The following IKBKE variants were observed in gnomAD, a reference collection of about 807,000 sequenced individuals.
IKBKE encodes the protein inhibitor of nuclear factor kappa-B kinase subunit epsilon.
A neutral mutation model predicts 92.1 loss-of-function variants in IKBKE; 45 were observed. The observed-to-expected ratio is 0.49, with a 90% CI of 0.38 to 0.63. The LOEUF is 0.63. IKBKE is among the 20% of genes least tolerant of loss of function. IKBKE has a pLI of 0.00. For missense variants in IKBKE, 700 were observed against 932.8 expected (o/e 0.75, Z 3.25); for synonymous variants, 374 against 380.3 (o/e 0.98, Z 0.19).
At position 206,493,991 on chromosome 1, in the gene IKBKE, G is replaced by A. The variant is rs781809827; in HGVS notation, c.2117G>A (p.Arg706Gln). Residue 706 changes from arginine to glutamine, a missense_variant and splice_region_variant, in exon 21 of 22, where the codon CGG (arginine) becomes CAG (glutamine). Transcript: ENST00000581977. ...CTGGACAACAACCGCATCATCGAAC[G>A]GTAAGGAGCTTTCACCTTGTGTAGG... ...DLLDNNRIIE[R>Q]LNRVPAPPDV The A allele has an allele frequency of 1.3e-5, 21 of 1,613,566 alleles. No homozygotes were observed. Among genetic ancestry groups the A allele is most frequent in the African/African-American group, 2.7e-5 (2 of 74,900 alleles).
chr1:206,480,809 G>A (rs550645986), intron 13 of IKBKE, among the ~76,000 whole-genome samples: 1 of 152,276 alleles, frequency 6.6e-6, no homozygotes, highest in East Asian at 1.9e-4. Context: ...ATCCCAAGAA[G>A]GGGCTTGTGT....
chr1:206,474,029 T>C (rs1664921895), intron 3 of IKBKE, among the ~76,000 whole-genome samples: 2 of 149,254 alleles, frequency 1.3e-5, no homozygotes, highest in African/African-American at 4.9e-5. Context: ...TCCCTGCTGC[T>C]AACCCCAGGG....
chr1:206,484,598 A>T (rs1665561401), intron 13 of IKBKE, among the ~76,000 whole-genome samples: 1 of 152,240 alleles, frequency 6.6e-6, no homozygotes, highest in Admixed American at 6.5e-5. Context: ...AGTCTACAAA[A>T]TATAGCTTTT....
In IKBKE at chr1:206,491,646, A is replaced by C. The variant is rs782472462; in HGVS notation, c.1734-2A>C. On this transcript the variant is annotated splice_acceptor_variant, in intron 17 of 21. Coordinates refer to ENST00000581977, the MANE Select transcript of IKBKE (RefSeq NM_014002.4). LOFTEE classifies it high-confidence loss of function. Reference sequence around the variant, plus strand: ...CTGCACCTTGGTTCTCTGTCGTTCTAGGGTGAATTTCAGTCATTTAGCCAA... The same window carrying C: ...CTGCACCTTGGTTCTCTGTCGTTCTCGGGTGAATTTCAGTCATTTAGCCAA... 6.2e-7 allele frequency: 1 copy of C among 1,609,988 alleles called. No individual in the cohort carries two copies. Among genetic ancestry groups the C allele is most frequent in the African/African-American group, 1.3e-5 (1 of 74,810 alleles).
chr1:206,477,251 C>T (rs535903203), intron 7 of IKBKE, among the ~76,000 whole-genome samples: 4 of 152,166 alleles, frequency 2.6e-5, no homozygotes, highest in African/African-American at 7.2e-5. Flanking sequence ...GAGACAGTAG[C>T]GGCTCCCTCT....
rs144454928 is a variant in IKBKE at position 206,475,865 on chromosome 1, G to A, written c.359-316G>A. ...AAAATTGGTTAAAATGGGAAATTTC[G>A]TTATGCATATTTTACCACAATTGAA... On this transcript the variant is annotated intron_variant, in intron 5 of 21. Transcript: ENST00000581977. Among the ~76,000 whole-genome samples the A allele has an allele frequency of 1.9e-3, 288 of 152,158 alleles. 2 individuals are homozygous for A. Among genetic ancestry groups the A allele is most frequent in the Admixed American group, 0.011 (163 of 15,274 alleles).
intron 2 of IKBKE, chr1:206,472,976 G>A (rs1664860886): frequency 2.0e-6 from 1 of 494,218 alleles, no homozygotes; most frequent in African/African-American, 2.0e-5. Context: ...GCCGGCTGTG[G>A]GCTGAGGGCT....
At chr1:206,491,904 C>A (rs1329900137) in intron 18 of IKBKE, 155 bp downstream of exon 18, 2 of 576,698 alleles carry the variant, frequency 3.5e-6, no homozygotes, top group Non-Finnish European at 6.3e-6. Flanking sequence ...GTGGACCAGG[C>A]AGTTGGCTGG....
At chr1:206,471,131 A>G (rs1343179495) in intron 1 of IKBKE, 25 bp from the exon 2 acceptor site, 1 of 152,280 alleles carries the variant, frequency 6.6e-6, no homozygotes, top group Non-Finnish European at 1.5e-5. Context: ...GGCGCCTCTC[A>G]TCCGCCCTCC....
chr1:206,492,816 C>A (rs1251685616), intron 18 of IKBKE: 9 of 676,952 alleles, frequency 1.3e-5, no homozygotes, highest in Non-Finnish European at 2.2e-5. Context: ...TGAAGGGGGC[C>A]TCCCAGCCTC....
In IKBKE at chr1:206,491,947, C is replaced by T. The variant is rs1665968653; in HGVS notation, c.1835+198C>T. 50 of 501,156 alleles carry T rather than the reference C, an allele frequency of 1.0e-4. No individual in the cohort carries two copies. In the South Asian group the frequency reaches 1.0e-3, roughly 10 times the overall value. The allele number at this position is 501,156 out of a possible 1,614,324, so 31.0% of individuals were successfully genotyped here. ...CTGTAGCTCAGCTTATTTACTCCTA[C>T]AACACCTGCCCTATACAGTAGATAT... On this transcript the variant is annotated intron_variant, in intron 18 of 21. Transcript: ENST00000581977.
chr1:206,489,057 T>A (rs1553389513), intron 16 of IKBKE, among the ~76,000 whole-genome samples: 1 of 151,690 alleles, frequency 6.6e-6, no homozygotes, highest in African/African-American at 2.4e-5. Context: ...CTAATATATA[T>A]ATTTGAGACA....
At chr1:206,472,918 G>T in intron 2 of IKBKE, 1 of 407,216 alleles carries the variant, frequency 2.5e-6, no homozygotes, top group Non-Finnish European at 4.4e-6. Flanking sequence ...CTCAGGAGGG[G>T]CTTCAAGGGA....
At chr1:206,492,563 C>G (rs2336940) in intron 18 of IKBKE, 367,632 of 471,656 alleles carry the variant, frequency 0.78, 146,013 homozygotes, top group Middle Eastern at 0.86. Context: ...CGAGGGCTGA[C>G]CTCCAACCCC....
intron 2 of IKBKE, among the ~76,000 whole-genome samples, 154 bp downstream of exon 2, chr1:206,471,399 TG>T (rs1338802580): frequency 6.6e-6 from 1 of 151,894 alleles, no homozygotes; most frequent in African/African-American, 2.4e-5. Context: ...CTTGGGGTGG[TG>T]GGGGGAGGAT....
intron 13 of IKBKE, among the ~76,000 whole-genome samples, chr1:206,483,015 C>T (rs1553387549): frequency 6.6e-6 from 1 of 152,270 alleles, no homozygotes; most frequent in African/African-American, 2.4e-5. Context: ...GGTAGAGCAA[C>T]CTTGCCTTTG....
intron 5 of IKBKE, 96 bp downstream of exon 5, chr1:206,475,090 T>C: frequency 2.3e-6 from 3 of 1,315,590 alleles, no homozygotes; most frequent in Non-Finnish European, 3.2e-6. Flanking sequence ...TGCTAATCAT[T>C]CCATTTAAAA....
At chr1:206,489,474 G>T (rs548857506) in intron 16 of IKBKE, among the ~76,000 whole-genome samples, 93 of 150,660 alleles carry the variant, frequency 6.2e-4, no homozygotes, top group African/African-American at 2.2e-3. Context: ...AAACTGAAGC[G>T]GGAGGATCAC....
At chr1:206,489,357 G>GTGTA (rs1362804637) in intron 16 of IKBKE, among the ~76,000 whole-genome samples, 4 of 26,384 alleles carry the variant, frequency 1.5e-4, no homozygotes, top group African/African-American at 4.0e-4. Context: ...GTGTGTGTGT[G>GTGTA]TGTGTGTGTG....
Sources: allele counts gnomAD v4.1 joint callset (sites outside exome capture counted in the v4.1 genomes callset), GRCh38; gene constraint gnomAD v4.1.1; transcripts MANE v1.5; gene names NCBI Gene and HGNC (gene_info 2026-07-23, HGNC 2026-07-21).